NTN5: variants seen among roughly 807,000 people sequenced by gnomAD.
NTN5 encodes netrin 5, also known as netrin-5.
In NTN5, 42 loss-of-function variants were observed where a neutral mutation model predicts 38.7. That is an observed-to-expected ratio of 1.08 (90% CI 0.85 to 1.40). The LOEUF (loss-of-function observed/expected upper bound fraction) is 1.40, where lower values mean the gene tolerates loss of function less well. Ranked by LOEUF, NTN5 falls within the 40% of genes most tolerant of loss-of-function variation. The pLI is 0.00. For missense variants in NTN5, 658 were observed against 716.5 expected (o/e 0.92, Z 0.93); for synonymous variants, 329 against 303.9 (o/e 1.08, Z -0.86).
Position 48,664,410 on chromosome 19 carries a change from GAC to G in NTN5, c.821-120_821-119del. 14 of 1,393,060 alleles carry G rather than the reference GAC, an allele frequency of 1.0e-5. No homozygotes were observed. In the South Asian group the frequency reaches 1.4e-4, roughly 14 times the overall value. The allele number at this position is 1,393,060 out of a possible 1,614,324, so 86.3% of individuals were successfully genotyped here. ...CAGGCCCCCAGCCCCTCTTCCCTCA[GAC>G]CCAGGAGTCCAGGCCCCCAGCCCCT... On this transcript the variant is annotated intron_variant, in intron 3 of 6. Transcript: ENST00000270235.
chr19:48,667,636 C>G (rs1454090976), intron 2 of NTN5, among the ~76,000 whole-genome samples: 1 of 152,120 alleles, frequency 6.6e-6, no homozygotes, highest in Non-Finnish European at 1.5e-5. Flanking sequence ...GCTGGCAGAT[C>G]ACCTGAGGTC....
At chr19:48,667,579 G>A (rs928975293) in intron 2 of NTN5, 32 of 166,464 alleles carry the variant, frequency 1.9e-4, no homozygotes, top group Middle Eastern at 1.8e-3. Context: ...GGCAGAGGCC[G>A]GGCGCGGTGG....
At position 48,670,466 on chromosome 19, in the gene NTN5, C is replaced by CG. The variant is rs759178564; in HGVS notation, c.520dup (p.Arg174ProfsTer53). On this transcript the variant is annotated frameshift_variant, in exon 2 of 7. Coordinates refer to ENST00000270235, the MANE Select transcript of NTN5 (RefSeq NM_145807.4). LOFTEE classifies it high-confidence loss of function. The stretch of plus-strand genomic sequence containing the variant: ...AGTGGTATGGTGGCGGCAGTGGCAG[C>CG]GGGGGGGCCGGGCACGGGCGGCACA... The CG allele has an allele frequency of 3.6e-5, 53 of 1,473,398 alleles. No individual in the cohort carries two copies. Among genetic ancestry groups the CG allele is most frequent in the South Asian group, 1.4e-4 (10 of 71,562 alleles). The allele number at this position is 1,473,398 out of a possible 1,614,324, so 91.3% of individuals were successfully genotyped here. A position where few individuals can be genotyped will look rare whatever the true frequency, so the allele number is the denominator to read the frequency against.
chr19:48,664,838 A>G, intron 2 of NTN5, 71 bp from the exon 3 acceptor site: 2 of 1,348,896 alleles, frequency 1.5e-6, no homozygotes, highest in Middle Eastern at 1.9e-4. Context: ...CTTTCTTCCC[A>G]TGGCCCTGCC....
chr19:48,661,907 C>T lies in NTN5; in HGVS notation c.1240G>A (p.Ala414Thr), dbSNP rs1341996210. 4 of 1,359,174 alleles carry T rather than the reference C, an allele frequency of 2.9e-6. No homozygotes were observed. The African/African-American group carries it at 4.7e-5, about 16-fold the overall frequency. 84.2% of individuals were successfully genotyped at this position (1,359,174 alleles called of 1,614,324 possible). A position where few individuals can be genotyped will look rare whatever the true frequency, so the allele number is the denominator to read the frequency against. Residue 414 changes from alanine (A) to threonine (T), a missense_variant, in exon 7 of 7, where the codon GCC (alanine) becomes ACC (threonine). Ala to Thr is a moderately conservative substitution (Grantham distance 58). Transcript: ENST00000270235. ...CGCAGGCAGCCGCAGGTCAGGTCGG[C>T]GCGGGGCACCCAGGCGTCCTGGTCG... ...RGDQDAWVPRADLTCGCLRLQ... is the reference protein window; with the variant it reads ...RGDQDAWVPRTDLTCGCLRLQ...
chr19:48,665,543 A>G (rs2457643), intron 2 of NTN5, among the ~76,000 whole-genome samples: 152,081 of 152,240 alleles, frequency 1, 75,966 homozygotes, highest in Middle Eastern at 1. Flanking sequence ...GGCTGCATCC[A>G]GGCACGATGG....
chr19:48,671,130 G>A, intron 1 of NTN5, 124 bp from the exon 2 acceptor site: 2 of 624,006 alleles, frequency 3.2e-6, no homozygotes, highest in South Asian at 5.5e-5. Context: ...CGGCTGCATG[G>A]AAGCGAGGAA....
At chr19:48,669,132 ATCATAT>A (rs2031792622) in intron 2 of NTN5, among the ~76,000 whole-genome samples, 1 of 109,532 alleles carries the variant, frequency 9.1e-6, no homozygotes, top group African/African-American at 3.6e-5. Flanking sequence ...CACCACCATC[ATCATAT>A]CACCATCATC....
At position 48,661,979 on chromosome 19, in the gene NTN5, G is replaced by C; in HGVS notation, c.1168C>G (p.Arg390Gly). Residue 390 changes from arginine to glycine, a missense_variant, in exon 7 of 7, where the codon CGC becomes GGC. By Grantham distance (125) the Arg-to-Gly change is moderately radical. Transcript: ENST00000270235. ...AGPAWQRLAV[R>G]VLAVYKQRAQ... ...CGCTGCTTGTAAACGGCCAGCACGC[G>C]CACGGCCAGCCGCTGCCATGCCGGG... 6.8e-7 allele frequency: 1 copy of C among 1,480,218 alleles called. No homozygotes were observed. Among genetic ancestry groups the C allele is most frequent in the East Asian group, 2.9e-5 (1 of 34,092 alleles). 91.7% of individuals were successfully genotyped at this position (1,480,218 alleles called of 1,614,324 possible).
At chr19:48,668,333 A>G (rs1195200901) in intron 2 of NTN5, among the ~76,000 whole-genome samples, 1 of 152,136 alleles carries the variant, frequency 6.6e-6, no homozygotes, top group Non-Finnish European at 1.5e-5. Context: ...GCCAGGTACC[A>G]CATTGGGCTT....
In NTN5 at chr19:48,661,878, C is replaced by T; in HGVS notation, c.1269G>A (p.Leu423=). Residue 423 remains leucine, a synonymous_variant, in exon 7 of 7, where the codon CTG becomes CTA. Coordinates refer to ENST00000270235, the MANE Select transcript of NTN5 (RefSeq NM_145807.4). ...GCAGCAGGTAGTCGGTGCCTGGCTG[C>T]AGGCGCAGGCAGCCGCAGGTCAGGT... ...RADLTCGCLR[L]QPGTDYLLLG... is the part of the protein sequence containing the mutation. 1 of 1,345,548 alleles carries T rather than the reference C, an allele frequency of 7.4e-7. No individual in the cohort carries two copies. Among genetic ancestry groups the T allele is most frequent in the Non-Finnish European group, 9.5e-7 (1 of 1,050,880 alleles). 83.4% of individuals were successfully genotyped at this position (1,345,548 alleles called of 1,614,324 possible).
At chr19:48,672,715 CTG>C (rs2031992529) in intron 1 of NTN5, among the ~76,000 whole-genome samples, 2 of 152,276 alleles carry the variant, frequency 1.3e-5, no homozygotes, top group South Asian at 2.1e-4. Context: ...AGGAACCAGG[CTG>C]TGAGTTCCCT....
intron 2 of NTN5, among the ~76,000 whole-genome samples, chr19:48,669,685 T>C (rs917704352): frequency 3.8e-4 from 19 of 50,150 alleles, no homozygotes; most frequent in Non-Finnish European, 4.4e-4. Flanking sequence ...ATCACCACCA[T>C]CACCACCACC....
At chr19:48,668,217 C>T (rs1051898115) in intron 2 of NTN5, among the ~76,000 whole-genome samples, 2 of 152,160 alleles carry the variant, frequency 1.3e-5, no homozygotes, top group African/African-American at 4.8e-5. Flanking sequence ...TGGGTTAAAT[C>T]CCTTGCTGGC....
chr19:48,661,631 G>T lies in NTN5; in HGVS notation c.*46C>A. The stretch of plus-strand genomic sequence containing the variant: ...GAGGTAGAAGGCTCAGCTCCTAGTC[G>T]CTCCCAAATTACTTTGTTGGTGCTC... On this transcript the variant is annotated 3_prime_UTR_variant, in exon 7 of 7. Coordinates refer to ENST00000270235, the MANE Select transcript of NTN5 (RefSeq NM_145807.4). 6.8e-7 allele frequency: 1 copy of T among 1,465,028 alleles called. No individual in the cohort carries two copies. The highest frequency in any genetic ancestry group is 1.5e-5 in the African/African-American group (1 of 67,926). 90.8% of individuals were successfully genotyped at this position (1,465,028 alleles called of 1,614,324 possible).
At chr19:48,668,077 G>C (rs979770287) in intron 2 of NTN5, among the ~76,000 whole-genome samples, 3 of 151,950 alleles carry the variant, frequency 2.0e-5, no homozygotes, top group Admixed American at 2.0e-4. Flanking sequence ...GGCTGTTGGA[G>C]GGAGGTAGGG....
Position 48,663,522 on chromosome 19 carries a change from C to T in NTN5, c.1046G>A (p.Cys349Tyr). 6.2e-7 allele frequency: 1 copy of T among 1,614,172 alleles called. No individual in the cohort carries two copies. The highest frequency in any genetic ancestry group is 8.5e-7 in the Non-Finnish European group (1 of 1,180,020). The change falls in exon 6 of 7, where the codon TGC becomes TAC. Residue 349 changes from cysteine to tyrosine, a missense_variant. Transcript: ENST00000270235. ...YSSDPQCQNYCNMSDTRVHMS... is the reference protein window; with the variant it reads ...YSSDPQCQNYYNMSDTRVHMS... ...GTGTACCCTGGTGTCCGACATATTG[C>T]AGTAGTTTTGACACTGAGGGTCTGG... is the stretch of plus-strand genomic sequence containing the variant.
chr19:48,662,964 C>T (rs938008011), intron 6 of NTN5: 8 of 287,654 alleles, frequency 2.8e-5, no homozygotes, highest in South Asian at 6.9e-5. Context: ...TTGGCTGGGC[C>T]GAACTCCTGA....
chr19:48,661,427 T>C lies in NTN5; in HGVS notation c.*250A>G, dbSNP rs1568448397. The C allele has an allele frequency of 5.3e-6, 2 of 377,622 alleles. No homozygotes were observed. The highest frequency in any genetic ancestry group is 9.4e-6 in the Non-Finnish European group (2 of 213,858). The allele number at this position is 377,622 out of a possible 1,614,324, so 23.4% of individuals were successfully genotyped here. A position where few individuals can be genotyped will look rare whatever the true frequency, so the allele number is the denominator to read the frequency against. ...AAAAATTCCCAAAGATTTGAGACTT[T>C]ATTGGGGGAAACAGATCACTGGCGG... On this transcript the variant is annotated 3_prime_UTR_variant, in exon 7 of 7. Transcript: ENST00000270235.
Sources: gnomAD v4.1 joint callset for allele counts (sites outside exome capture counted in the v4.1 genomes callset) on GRCh38, gnomAD v4.1.1 for gene constraint, MANE v1.5 for transcripts, NCBI Gene and HGNC (gene_info 2026-07-23, HGNC 2026-07-21) for gene names.